Variants in CTNNA2 observed in about 807,000 individuals in gnomAD.
CTNNA2 encodes the protein catenin alpha-2.
Under a neutral mutation model 101.0 loss-of-function variants are expected in CTNNA2, and 42 were observed. The observed-to-expected ratio is 0.42, with a 90% CI of 0.32 to 0.54. The LOEUF (loss-of-function observed/expected upper bound fraction) is 0.54, where lower values mean the gene tolerates loss of function less well. Among genes scored for constraint, CTNNA2 ranks in the 20% least tolerant of loss-of-function variants. The probability of loss-of-function intolerance (pLI) is 0.14; values close to 1 mark genes in which losing one functional copy is unlikely to be tolerated. For synonymous variants in CTNNA2, 450 were observed against 456.4 expected (o/e 0.99, Z 0.18); for missense variants, 871 against 1,223.1 (o/e 0.71, Z 4.29).
intron 7 of CTNNA2, among the ~76,000 whole-genome samples, chr2:80,314,380 C>G (rs1434700501): frequency 4.6e-5 from 7 of 152,162 alleles, no homozygotes; most frequent in African/African-American, 1.7e-4. Context: ...TGCAGAGCCT[C>G]TAAGTGATGA....
intron 4 of CTNNA2, among the ~76,000 whole-genome samples, chr2:79,456,563 A>C (rs1254816443): frequency 1.3e-5 from 2 of 152,186 alleles, no homozygotes; most frequent in Non-Finnish European, 2.9e-5. Flanking sequence ...AAAGCTTTGA[A>C]TTTCTCTAAT....
At chr2:79,724,756 A>G (rs965694700) in intron 2 of CTNNA2, among the ~76,000 whole-genome samples, 5 of 143,740 alleles carry the variant, frequency 3.5e-5, no homozygotes, top group Non-Finnish European at 6.0e-5. Flanking sequence ...CGGAGCTTGC[A>G]GTGAGCCAAG....
intron 16 of CTNNA2, among the ~76,000 whole-genome samples, chr2:80,606,744 T>C (rs575364345): frequency 6.6e-6 from 1 of 151,996 alleles, no homozygotes; most frequent in Non-Finnish European, 1.5e-5. Context: ...TGCCGGAAAA[T>C]ATTTTATAAA....
chr2:79,610,145 T>C (rs1678169692), intron 1 of CTNNA2, among the ~76,000 whole-genome samples: 1 of 152,108 alleles, frequency 6.6e-6, no homozygotes, highest in African/African-American at 2.4e-5. Context: ...GATATAAATA[T>C]GGCAAATAAG....
At chr2:79,212,217 G>A (rs1259589038) in intron 2 of CTNNA2, among the ~76,000 whole-genome samples, 1 of 152,072 alleles carries the variant, frequency 6.6e-6, no homozygotes, top group African/African-American at 2.4e-5. Flanking sequence ...AGTGTAAACC[G>A]GCAGTGTAAA....
At chr2:80,576,315 C>T (rs1051106819) in intron 13 of CTNNA2, 1 of 151,658 alleles carries the variant, frequency 6.6e-6, no homozygotes, top group African/African-American at 2.4e-5. Context: ...GTATTCCAGC[C>T]TCAGCTGTCA....
At chr2:80,469,787 G>A (rs142929937) in intron 9 of CTNNA2, among the ~76,000 whole-genome samples, 8 of 152,228 alleles carry the variant, frequency 5.3e-5, no homozygotes, top group African/African-American at 1.9e-4. Flanking sequence ...TAGGCAAGGG[G>A]CTTATGACAT....
chr2:80,016,041 G>T (rs926133044), intron 7 of CTNNA2, among the ~76,000 whole-genome samples: 4 of 152,134 alleles, frequency 2.6e-5, no homozygotes, highest in African/African-American at 9.7e-5. Context: ...CTCTGGAATT[G>T]CAACCAAACT....
rs761197463 is a variant in CTNNA2, at chr2:79,751,760, GA to G, written c.298+7181del. Among the ~76,000 whole-genome samples the G allele has an allele frequency of 1.4e-4, 22 of 152,116 alleles. No individual in the cohort carries two copies. The East Asian group carries it at 2.3e-3, about 16-fold the overall frequency. On this transcript the variant is annotated intron_variant, in intron 3 of 18. Transcript: ENST00000402739. Reference sequence around the variant, plus strand: ...TTCTACTCACTTAAATGATATTTTAGAAAGATTAATATGGCAACTTCATGAA... The same window carrying G: ...TTCTACTCACTTAAATGATATTTTAGAAGATTAATATGGCAACTTCATGAA...
Position 80,086,447 on chromosome 2 carries a change from A to G in CTNNA2, c.1056+176650A>G, listed in dbSNP as rs553275387. On this transcript the variant is annotated intron_variant, in intron 7 of 18. Transcript: ENST00000402739. The stretch of plus-strand genomic sequence containing the variant: ...GTAAACTGGGGTCATTATAAGACCC[A>G]ATTAATTTGATCCAGAAATTCTTGG... 2.0e-5 allele frequency among the ~76,000 whole-genome samples: 3 copies of G among 152,200 alleles called. No homozygotes were observed. The South Asian group carries it at 6.2e-4, about 32-fold the overall frequency.
intron 7 of CTNNA2, among the ~76,000 whole-genome samples, chr2:79,922,634 GT>G (rs1686746569): frequency 8.0e-6 from 1 of 125,680 alleles, no homozygotes; most frequent in Non-Finnish European, 1.7e-5. Context: ...AACCATATCA[GT>G]TTTTTACTTT....
At chr2:79,793,559 T>A (rs1255892237) in intron 3 of CTNNA2, among the ~76,000 whole-genome samples, 1 of 152,218 alleles carries the variant, frequency 6.6e-6, no homozygotes, top group Non-Finnish European at 1.5e-5. Context: ...AGCTGGCCTG[T>A]ACCCTCTCTA....
intron 9 of CTNNA2, among the ~76,000 whole-genome samples, chr2:80,465,491 A>G (rs1684776993): frequency 6.6e-6 from 1 of 152,170 alleles, no homozygotes; most frequent in African/African-American, 2.4e-5. Flanking sequence ...GTTGCCAGGA[A>G]CAGGTATTTC....
chr2:80,070,879 C>G (rs1387386288), intron 7 of CTNNA2, among the ~76,000 whole-genome samples: 1 of 152,080 alleles, frequency 6.6e-6, no homozygotes, highest in African/African-American at 2.4e-5. Context: ...CAGTCTCTGC[C>G]CATGGTCACA....
chr2:79,251,132 A>C (rs920369447), intron 2 of CTNNA2, among the ~76,000 whole-genome samples: 5 of 152,210 alleles, frequency 3.3e-5, no homozygotes, highest in African/African-American at 4.8e-5. Context: ...TGCTCCTCTG[A>C]AATGCCACCA....
intron 4 of CTNNA2, among the ~76,000 whole-genome samples, chr2:79,415,447 A>C (rs1678466848): frequency 6.6e-6 from 1 of 152,158 alleles, no homozygotes; most frequent in Non-Finnish European, 1.5e-5. Context: ...GTGATGCAAG[A>C]ATAAACTAAT....
intron 8 of CTNNA2, among the ~76,000 whole-genome samples, chr2:80,399,834 A>G (rs1164056684): frequency 6.6e-6 from 1 of 152,234 alleles, no homozygotes; most frequent in Non-Finnish European, 1.5e-5. Flanking sequence ...ATTTTTCAGC[A>G]TGAAATTCCT....
intron 7 of CTNNA2, among the ~76,000 whole-genome samples, chr2:80,031,175 C>A (rs545423088): frequency 1.3e-5 from 2 of 151,482 alleles, no homozygotes; most frequent in African/African-American, 4.9e-5. Flanking sequence ...CTCATTTCTG[C>A]CAAAAAAAAG....
At chr2:80,364,163 T>G (rs1369775197) in intron 7 of CTNNA2, among the ~76,000 whole-genome samples, 1 of 152,156 alleles carries the variant, frequency 6.6e-6, no homozygotes, top group Non-Finnish European at 1.5e-5. Context: ...CTGATTTAAG[T>G]TTTGCCTCAG....
Sources: allele counts gnomAD v4.1 joint callset (sites outside exome capture counted in the v4.1 genomes callset), GRCh38; gene constraint gnomAD v4.1.1; transcripts MANE v1.5; gene names NCBI Gene and HGNC (gene_info 2026-07-23, HGNC 2026-07-21).